WDR7: variants seen among roughly 807,000 people sequenced by gnomAD.
WDR7 encodes the protein WD repeat domain 7.
In WDR7, 46 loss-of-function variants were observed where a neutral mutation model predicts 169.4. The observed-to-expected ratio is 0.27, with a 90% confidence interval of 0.21 to 0.35. WDR7 has a LOEUF of 0.35. Among genes scored for constraint, WDR7 ranks in the 10% least tolerant of loss-of-function variants. The probability of loss-of-function intolerance (pLI) is 1.00; values close to 1 mark genes in which losing one functional copy is unlikely to be tolerated. For missense variants in WDR7, 1,534 were observed against 1,859.3 expected (o/e 0.83, Z 3.22); for synonymous variants, 612 against 666.8 (o/e 0.92, Z 1.27).
At chr18:56,934,829 C>A (rs1163735406) in intron 22 of WDR7, among the ~76,000 whole-genome samples, 1 of 152,114 alleles carries the variant, frequency 6.6e-6, no homozygotes, top group Non-Finnish European at 1.5e-5. Context: ...CATATGTCTT[C>A]AAATACATAT....
At chr18:56,854,380 C>G (rs1209726171) in intron 20 of WDR7, among the ~76,000 whole-genome samples, 1 of 152,186 alleles carries the variant, frequency 6.6e-6, no homozygotes, top group Non-Finnish European at 1.5e-5. Flanking sequence ...AAAGGATACA[C>G]ATGAAGAGTT....
At chr18:56,865,254 C>T (rs2045866671) in intron 20 of WDR7, among the ~76,000 whole-genome samples, 1 of 151,992 alleles carries the variant, frequency 6.6e-6, no homozygotes, top group Non-Finnish European at 1.5e-5. Context: ...GACTGAAAGG[C>T]ATTTAGCACT....
At chr18:56,833,292 A>G (rs1448816996) in intron 20 of WDR7, among the ~76,000 whole-genome samples, 3 of 151,932 alleles carry the variant, frequency 2.0e-5, no homozygotes, top group Non-Finnish European at 4.4e-5. Context: ...TTAGAGAAAA[A>G]GGAATGAAAA....
chr18:56,998,212 G>A (rs1415689576), intron 26 of WDR7, among the ~76,000 whole-genome samples: 1 of 152,160 alleles, frequency 6.6e-6, no homozygotes, highest in Non-Finnish European at 1.5e-5. Context: ...TTTTGTGCCT[G>A]TGTTACTCTC....
downstream of WDR7, chr18:57,033,016 A>C (rs1228105661): frequency 6.6e-6 from 1 of 151,838 alleles, no homozygotes; most frequent in Non-Finnish European, 1.5e-5. Context: ...GTTTTAGTGA[A>C]AATGTGTGAA....
chr18:56,691,746 G>A lies in WDR7; in HGVS notation c.895G>A (p.Asp299Asn). 6.2e-7 allele frequency: 1 copy of A among 1,612,414 alleles called. No individual in the cohort carries two copies. The highest frequency in any genetic ancestry group is 8.5e-7 in the Non-Finnish European group (1 of 1,179,618). Residue 299 changes from aspartate (D) to asparagine (N), a missense_variant, in exon 9 of 28, where the codon GAT (aspartate) becomes AAT (asparagine). Transcript: ENST00000254442. The stretch of plus-strand genomic sequence containing the variant: ...TCCAGCTAGTGATTCATTCCGCAGT[G>A]ATGTGGGGAAGGCAGTTGAAAATTT... ...CLPASDSFRS[D>N]VGKAVENLIP...
chr18:56,974,363 T>C (rs117865870), intron 26 of WDR7, among the ~76,000 whole-genome samples: 64 of 86,400 alleles, frequency 7.4e-4, no homozygotes, highest in East Asian at 1.9e-3. Context: ...CTTTTCTTGC[T>C]TTTTTTTTTT....
chr18:56,710,007 T>G (rs1195446985), intron 12 of WDR7, among the ~76,000 whole-genome samples: 6 of 129,220 alleles, frequency 4.6e-5, no homozygotes, highest in Non-Finnish European at 9.2e-5. Context: ...TATATAGTTG[T>G]TTTTTTTTTT....
chr18:56,666,752 C>G (rs1381712124), intron 1 of WDR7, among the ~76,000 whole-genome samples: 1 of 152,106 alleles, frequency 6.6e-6, no homozygotes, highest in African/African-American at 2.4e-5. Context: ...CCCTGGAGAT[C>G]TGTGTTTGCT....
chr18:56,827,888 A>G (rs2045237081), intron 20 of WDR7, among the ~76,000 whole-genome samples: 1 of 152,126 alleles, frequency 6.6e-6, no homozygotes, highest in African/African-American at 2.4e-5. Context: ...AACAAAAAAG[A>G]TTGTCTTGAG....
chr18:56,911,632 G>A (rs2145601734), intron 21 of WDR7, among the ~76,000 whole-genome samples: 1 of 152,272 alleles, frequency 6.6e-6, no homozygotes, highest in South Asian at 2.1e-4. Flanking sequence ...TATGCGTAAA[G>A]GGTTAACACT....
rs116026612 is a variant in WDR7 at position 56,930,175 on chromosome 18, A to G, written c.3714-5613A>G. ...ACAATTTACCAAACATTCAGAGAGA[A>G]GCATAAAGTCACTGGAAACCACACA... is the stretch of plus-strand genomic sequence containing the variant. On this transcript the variant is annotated intron_variant, in intron 22 of 27. Transcript: ENST00000254442. Among the ~76,000 whole-genome samples, 614 of 152,346 alleles carry G rather than the reference A, an allele frequency of 4.0e-3. 3 individuals carry two copies. Among genetic ancestry groups the G allele is most frequent in the African/African-American group, 0.013 (540 of 41,590 alleles).
intron 26 of WDR7, among the ~76,000 whole-genome samples, chr18:56,973,512 C>G (rs1008490604): frequency 2.0e-5 from 3 of 151,554 alleles, no homozygotes; most frequent in African/African-American, 7.3e-5. Context: ...TGTATTCCAC[C>G]TATATATAGT....
At chr18:56,861,617 AT>A (rs143268945) in intron 20 of WDR7, among the ~76,000 whole-genome samples, 2 of 150,502 alleles carry the variant, frequency 1.3e-5, no homozygotes, top group African/African-American at 4.9e-5. Flanking sequence ...TTGTGGTTTC[AT>A]TTTTTTTTCT....
intron 2 of WDR7, among the ~76,000 whole-genome samples, chr18:56,678,501 T>TG (rs373111281): frequency 6.6e-6 from 1 of 151,608 alleles, no homozygotes; most frequent in Non-Finnish European, 1.5e-5. Context: ...AACACTGTGG[T>TG]CTTTTTTTTT....
chr18:56,888,789 A>G (rs1280672344), intron 21 of WDR7, among the ~76,000 whole-genome samples: 1 of 152,162 alleles, frequency 6.6e-6, no homozygotes, highest in Non-Finnish European at 1.5e-5. Context: ...CAAGTGTCGT[A>G]AGTCATTTCC....
intron 25 of WDR7, among the ~76,000 whole-genome samples, chr18:56,959,048 G>A (rs2047298134): frequency 1.3e-5 from 2 of 152,104 alleles, no homozygotes; most frequent in Admixed American, 1.3e-4. Flanking sequence ...AAAATAATGG[G>A]TAAAAGGCTG....
At chr18:56,825,566 A>G (rs951534065) in intron 20 of WDR7, among the ~76,000 whole-genome samples, 16 of 152,192 alleles carry the variant, frequency 1.1e-4, no homozygotes, top group Admixed American at 6.6e-4. Flanking sequence ...GGAAATGACA[A>G]AGTCAGGATT....
At chr18:56,960,559 C>G (rs2047324614) in intron 25 of WDR7, among the ~76,000 whole-genome samples, 2 of 152,046 alleles carry the variant, frequency 1.3e-5, no homozygotes, top group East Asian at 3.8e-4. Flanking sequence ...ATTCTATGTA[C>G]CATAATAAGA....
Sources: allele counts gnomAD v4.1 joint callset (sites outside exome capture counted in the v4.1 genomes callset), GRCh38; gene constraint gnomAD v4.1.1; transcripts MANE v1.5; gene names NCBI Gene and HGNC (gene_info 2026-07-23, HGNC 2026-07-21).